Variants in ACACA observed in about 807,000 individuals in gnomAD.
ACACA encodes the protein acetyl-CoA carboxylase alpha, also known as acetyl-CoA carboxylase 1.
ACACA carries 103 observed loss-of-function variants against 296.1 expected under a neutral mutation model. The observed-to-expected ratio is 0.35, with a 90% confidence interval of 0.30 to 0.41. ACACA has a LOEUF of 0.41. Among genes scored for constraint, ACACA ranks in the 10% least tolerant of loss-of-function variants. The pLI is 1.00. For synonymous variants in ACACA, 953 were observed against 1,038.6 expected (o/e 0.92, Z 1.58); for missense variants, 1,554 against 2,989.7 (o/e 0.52, Z 11.20).
intron 1 of ACACA, among the ~76,000 whole-genome samples, chr17:37,358,541 AAG>A (rs1352490933): frequency 6.6e-6 from 1 of 152,200 alleles, no homozygotes; most frequent in Non-Finnish European, 1.5e-5. Context: ...CTCACTCTGC[AAG>A]AGAGAAAGGA....
intron 3 of ACACA, among the ~76,000 whole-genome samples, chr17:37,291,193 G>GTTTTC (rs2083047859): frequency 4.7e-5 from 2 of 42,656 alleles, no homozygotes. Flanking sequence ...TTTTTGTTTT[G>GTTTTC]AGATGGAGTT....
intron 42 of ACACA, among the ~76,000 whole-genome samples, chr17:37,156,519 A>G (rs2076259098): frequency 6.6e-6 from 1 of 152,262 alleles, no homozygotes; most frequent in African/African-American, 2.4e-5. Context: ...AAGGGATAAC[A>G]GAAAACCGCA....
intron 3 of ACACA, among the ~76,000 whole-genome samples, chr17:37,308,866 G>A (rs932864423): frequency 2.6e-5 from 4 of 152,070 alleles, no homozygotes; most frequent in African/African-American, 9.7e-5. Flanking sequence ...GAACCTGAGA[G>A]GCGGAGGTTG....
chr17:37,388,868 A>C (rs908091838), intron 1 of ACACA: 2 of 1,546,228 alleles, frequency 1.3e-6, no homozygotes, highest in African/African-American at 2.7e-5. Context: ...GCAGCTTGGC[A>C]TAAGGAGAAA....
intron 1 of ACACA, among the ~76,000 whole-genome samples, chr17:37,355,624 G>T (rs565836178): frequency 3.3e-5 from 5 of 152,034 alleles, no homozygotes; most frequent in Admixed American, 3.3e-4. Flanking sequence ...GGGAGGCTGA[G>T]GTGGGCAGAT....
chr17:37,234,646 C>T (rs1260909009), intron 25 of ACACA, among the ~76,000 whole-genome samples: 2 of 151,782 alleles, frequency 1.3e-5, no homozygotes, highest in East Asian at 3.9e-4. Flanking sequence ...AATATATTGG[C>T]TAAATAAGAT....
chr17:37,216,702 T>A (rs1246136722), intron 29 of ACACA, among the ~76,000 whole-genome samples: 5 of 152,036 alleles, frequency 3.3e-5, no homozygotes, highest in African/African-American at 1.2e-4. Context: ...AAAACAGGTG[T>A]CTTCTCCCTT....
chr17:37,259,402 T>C lies in ACACA; in HGVS notation c.1458A>G (p.Thr486=), dbSNP rs2081347853. 3 of 1,614,112 alleles carry C rather than the reference T, an allele frequency of 1.9e-6. No individual in the cohort carries two copies. Among genetic ancestry groups the C allele is most frequent in the Admixed American group, 1.7e-5 (1 of 60,008 alleles). The part of the protein sequence containing the change: ...NPRLQVEHPC[T]EMVADVNLPA... ...GGAGATTGACATCAGCCACCATCTC[T>C]GTACAAGGGTGCTCTACCTGCAGCC... The change falls in exon 12 of 56, where the codon ACA becomes ACG. Residue 486 remains threonine, a synonymous_variant. Coordinates refer to ENST00000616317, the MANE Select transcript of ACACA (RefSeq NM_198834.3).
intron 25 of ACACA, among the ~76,000 whole-genome samples, chr17:37,232,777 TG>T (rs1242895823): frequency 6.6e-6 from 1 of 151,854 alleles, no homozygotes; most frequent in Non-Finnish European, 1.5e-5. Context: ...ATTTTGTTTT[TG>T]TTTTTTTTTT....
chr17:37,172,281 T>C (rs867630567), intron 41 of ACACA, among the ~76,000 whole-genome samples: 7 of 152,128 alleles, frequency 4.6e-5, no homozygotes, highest in Admixed American at 1.3e-4. Flanking sequence ...TCAAAGTCAA[T>C]CAAGGTTACT....
intron 1 of ACACA, among the ~76,000 whole-genome samples, chr17:37,396,446 T>G (rs2051084843): frequency 6.6e-6 from 1 of 152,170 alleles, no homozygotes; most frequent in Non-Finnish European, 1.5e-5. Flanking sequence ...AAAATCAAAG[T>G]GACCTGGGAC....
At chr17:37,143,874 C>T in intron 45 of ACACA, 1 of 1,547,704 alleles carries the variant, frequency 6.5e-7, no homozygotes, top group Non-Finnish European at 8.9e-7. Flanking sequence ...CATAAGGCTG[C>T]TTGTCATCTG....
chr17:37,406,193 T>C, intron 1 of ACACA, 69 bp downstream of exon 1: 2 of 1,562,468 alleles, frequency 1.3e-6, no homozygotes, highest in Non-Finnish European at 1.8e-6. Context: ...TGGCATGCAA[T>C]AAGTACTCGA....
Position 37,390,330 on chromosome 17 carries a change from A to ATATATATATATATATATCTATATC in ACACA, c.38+15931_38+15932insGATATAGATATATATATATATATA, listed in dbSNP as rs1386032855. 1.4e-4 allele frequency among the ~76,000 whole-genome samples: 6 copies of ATATATATATATATATATCTATATC among 41,582 alleles called. 1 individual carries two copies. The highest frequency in any genetic ancestry group is 6.4e-4 in the African/African-American group (5 of 7,842). 27.3% of individuals were successfully genotyped at this position (41,582 alleles called of 152,430 possible). ...TATATATATATATATATATATATAT[A>ATATATATATATATATATCTATATC]TATAAAAGGCCAGCTGGGCCGGGCA... On this transcript the variant is annotated intron_variant, in intron 1 of 55. Transcript: ENST00000616317.
intron 3 of ACACA, among the ~76,000 whole-genome samples, chr17:37,326,692 G>A (rs1428040522): frequency 6.6e-6 from 1 of 152,018 alleles, no homozygotes; most frequent in East Asian, 1.9e-4. Context: ...AGCCGGGCAT[G>A]GTAGCGGGTG....
At chr17:37,390,111 G>T (rs2050727234) in intron 1 of ACACA, among the ~76,000 whole-genome samples, 1 of 106,168 alleles carries the variant, frequency 9.4e-6, no homozygotes, top group African/African-American at 3.9e-5. Context: ...AGGCAACATA[G>T]CGAGACACTG....
At chr17:37,149,188 T>C (rs2075938512) in intron 45 of ACACA, among the ~76,000 whole-genome samples, 1 of 152,198 alleles carries the variant, frequency 6.6e-6, no homozygotes. Flanking sequence ...AAGGCACAAA[T>C]CTTTCTTTGG....
chr17:37,236,967 G>C (rs1407564799), intron 24 of ACACA, among the ~76,000 whole-genome samples: 1 of 152,128 alleles, frequency 6.6e-6, no homozygotes, highest in Non-Finnish European at 1.5e-5. Context: ...CATTTTAATA[G>C]AACATCTCTA....
chr17:37,313,434 G>T (rs2046942406), intron 3 of ACACA, among the ~76,000 whole-genome samples: 1 of 152,154 alleles, frequency 6.6e-6, no homozygotes, highest in African/African-American at 2.4e-5. Context: ...TCTGACAGAG[G>T]ATTGATAGCC....
Sources: allele counts gnomAD v4.1 joint callset (sites outside exome capture counted in the v4.1 genomes callset), GRCh38; gene constraint gnomAD v4.1.1; transcripts MANE v1.5; gene names NCBI Gene and HGNC (gene_info 2026-07-23, HGNC 2026-07-21).